ASIP: variants seen among roughly 807,000 people sequenced by gnomAD.
The protein encoded by ASIP is agouti-signaling protein.
Under a neutral mutation model 10.3 loss-of-function variants are expected in ASIP, and 11 were observed. That is an observed-to-expected ratio of 1.07 (90% CI 0.68 to 1.78). ASIP has a LOEUF of 1.78. Among genes scored for constraint, ASIP ranks in the 40% most tolerant of loss-of-function variants. The pLI, the probability that ASIP is intolerant of heterozygous loss-of-function variation, is 0.00. For synonymous variants in ASIP, 70 were observed against 70.8 expected (o/e 0.99, Z 0.06); for missense variants, 180 against 169.2 (o/e 1.06, Z -0.35).
At chr20:34,226,763 A>G (rs1017838833) in intron 1 of ASIP, among the ~76,000 whole-genome samples, 2 of 151,992 alleles carry the variant, frequency 1.3e-5, no homozygotes, top group African/African-American at 4.8e-5. Context: ...ATTTTTTTTT[A>G]TGTTTTATAG....
At chr20:34,268,758 C>CAA (rs140598557) in intron 3 of ASIP, among the ~76,000 whole-genome samples, 3 of 149,926 alleles carry the variant, frequency 2.0e-5, no homozygotes, top group South Asian at 2.1e-4. Context: ...AACAAACAAA[C>CAA]AAAAAAAACA....
intron 2 of ASIP, among the ~76,000 whole-genome samples, chr20:34,261,382 C>T (rs943620201): frequency 2.0e-5 from 3 of 152,184 alleles, no homozygotes; most frequent in African/African-American, 7.2e-5. Flanking sequence ...ACCTGTAATC[C>T]CAGCACTTTC....
chr20:34,265,623 A>G (rs78692255), intron 3 of ASIP, among the ~76,000 whole-genome samples: 11,980 of 152,114 alleles, frequency 0.079, 1,573 homozygotes, highest in African/African-American at 0.27. Flanking sequence ...GAAAACTAGT[A>G]TCACTTACCA....
chr20:34,214,725 T>C, intron 1 of ASIP: 1 of 1,160,384 alleles, frequency 8.6e-7, no homozygotes, highest in Non-Finnish European at 1.3e-6. Context: ...AAGTCAATTT[T>C]TTCATAACGG....
At chr20:34,232,497 C>G (rs1601582028) in intron 1 of ASIP, among the ~76,000 whole-genome samples, 1 of 152,072 alleles carries the variant, frequency 6.6e-6, no homozygotes, top group African/African-American at 2.4e-5. Context: ...CAATAAATCC[C>G]CAAGCAGCAA....
intron 1 of ASIP, among the ~76,000 whole-genome samples, chr20:34,210,393 A>C (rs765215311): frequency 2.0e-4 from 30 of 152,220 alleles, no homozygotes; most frequent in Admixed American, 5.9e-4. Context: ...AGCTGCTTGC[A>C]GTGTGTCTGG....
intron 1 of ASIP, among the ~76,000 whole-genome samples, chr20:34,253,447 TTTTATTTATTTATTTA>T (rs36107431): frequency 2.2e-4 from 23 of 103,810 alleles, no homozygotes; most frequent in Admixed American, 2.6e-4. Flanking sequence ...TTTTATTTTA[TTTTATTTATTTATTTA>T]TTTATTTATT....
chr20:34,211,924 A>T (rs928671108), intron 1 of ASIP, among the ~76,000 whole-genome samples: 1 of 152,222 alleles, frequency 6.6e-6, no homozygotes, highest in Admixed American at 6.5e-5. Flanking sequence ...CTGTAACCAG[A>T]TAAAGATATC....
At chr20:34,202,882 C>T (rs1372040962) in intron 1 of ASIP, among the ~76,000 whole-genome samples, 1 of 144,914 alleles carries the variant, frequency 6.9e-6, no homozygotes, top group Non-Finnish European at 1.5e-5. Flanking sequence ...GATCTCGGCT[C>T]ACTGCAAGCT....
At chr20:34,215,207 T>C (rs2034999397) in intron 1 of ASIP, 14 of 1,599,558 alleles carry the variant, frequency 8.8e-6, no homozygotes, top group Non-Finnish European at 1.0e-5. Flanking sequence ...CCTAGCAGCA[T>C]ATTTATAAAC....
chr20:34,213,939 T>G (rs750043581), intron 1 of ASIP: 170 of 1,575,132 alleles, frequency 1.1e-4, no homozygotes, highest in Middle Eastern at 1.7e-4. Context: ...AGGCTTGCCT[T>G]TCTTCATCTT....
Position 34,262,822 on chromosome 20 carries a change from CTCTT to C in ASIP, c.161-8_161-5del. The C allele has an allele frequency of 6.2e-7, 1 of 1,613,822 alleles. No individual in the cohort carries two copies. The highest frequency in any genetic ancestry group is 2.2e-5 in the East Asian group (1 of 44,876). Reference sequence around the variant, plus strand: ...ACATCTGACTTTGCTCCTTTTGTCTCTCTTTGAAGCGCTGAACAAGAAATCCAAA... The same window carrying C: ...ACATCTGACTTTGCTCCTTTTGTCTCTGAAGCGCTGAACAAGAAATCCAAA... On this transcript the variant is annotated splice_polypyrimidine_tract_variant and splice_region_variant and intron_variant, in intron 2 of 3. Coordinates refer to ENST00000374954, the MANE Select transcript of ASIP (RefSeq NM_001672.3).
At chr20:34,207,953 C>T (rs2034948298) in intron 1 of ASIP, among the ~76,000 whole-genome samples, 1 of 151,832 alleles carries the variant, frequency 6.6e-6, no homozygotes, top group Admixed American at 6.6e-5. Flanking sequence ...CCACGCCTGG[C>T]TGATTTTTTG....
chr20:34,268,440 G>A (rs923199758), intron 3 of ASIP, among the ~76,000 whole-genome samples: 8 of 152,116 alleles, frequency 5.3e-5, no homozygotes, highest in Non-Finnish European at 1.0e-4. Context: ...CACTTAGGCC[G>A]GGCGCGGTGG....
intron 1 of ASIP, among the ~76,000 whole-genome samples, chr20:34,206,741 G>C (rs548767122): frequency 6.6e-6 from 1 of 152,182 alleles, no homozygotes; most frequent in East Asian, 1.9e-4. Context: ...ACCACGCCTG[G>C]CTAATTTTTG....
intron 1 of ASIP, among the ~76,000 whole-genome samples, chr20:34,227,429 G>A (rs1254468218): frequency 1.3e-5 from 2 of 151,932 alleles, no homozygotes; most frequent in African/African-American, 4.8e-5. Flanking sequence ...TCAAGAGATC[G>A]AGACCATCCT....
intron 3 of ASIP, among the ~76,000 whole-genome samples, chr20:34,267,459 CAAAAA>C (rs953440256): frequency 6.5e-5 from 3 of 46,282 alleles, no homozygotes; most frequent in East Asian, 7.1e-4. Flanking sequence ...AACTGGCTCT[CAAAAA>C]AAAAAAAAAA....
chr20:34,244,448 TTAA>T (rs1407502422), intron 1 of ASIP, among the ~76,000 whole-genome samples: 1 of 152,214 alleles, frequency 6.6e-6, no homozygotes, highest in Non-Finnish European at 1.5e-5. Context: ...ATGATGATGA[TTAA>T]TGTCTAAAAT....
At chr20:34,211,410 T>C (rs2034973902) in intron 1 of ASIP, among the ~76,000 whole-genome samples, 1 of 152,236 alleles carries the variant, frequency 6.6e-6, no homozygotes, top group South Asian at 2.1e-4. Flanking sequence ...TTCTACAAAA[T>C]GTTGTTGTTA....
Sources: allele counts gnomAD v4.1 joint callset (sites outside exome capture counted in the v4.1 genomes callset), GRCh38; gene constraint gnomAD v4.1.1; transcripts MANE v1.5; gene names NCBI Gene and HGNC (gene_info 2026-07-23, HGNC 2026-07-21).